NFYC: variants seen among roughly 807,000 people sequenced by gnomAD.
NFYC encodes the protein nuclear transcription factor Y subunit gamma.
In NFYC, 25 loss-of-function variants were observed where a neutral mutation model predicts 53.1. The observed-to-expected ratio is 0.47, with a 90% confidence interval of 0.34 to 0.66. NFYC has a LOEUF of 0.66. NFYC is among the 30% of genes least tolerant of loss of function. The pLI is 0.01. For synonymous variants in NFYC, 145 were observed against 152.6 expected (o/e 0.95, Z 0.37); for missense variants, 260 against 422.7 (o/e 0.62, Z 3.38).
chr1:40,734,815 A>G (rs1405926153), intron 1 of NFYC: 1 of 152,244 alleles, frequency 6.6e-6, no homozygotes, highest in Non-Finnish European at 1.5e-5. Flanking sequence ...TACTAATAAT[A>G]TCTGCAAAGA....
Position 40,753,007 on chromosome 1 carries a change from T to C in NFYC, c.292-144T>C, listed in dbSNP as rs1430686442. On this transcript the variant is annotated intron_variant, in intron 4 of 9. Transcript: ENST00000447388. ...GTCTGATCATTTAAAGTATATGAGT[T>C]TGGCTGTGCTTATTTCAGCTGTAGA... 6.6e-6 allele frequency: 4 copies of C among 609,182 alleles called. No individual in the cohort carries two copies. The African/African-American group carries it at 7.4e-5, about 11-fold the overall frequency. The allele number at this position is 609,182 out of a possible 1,614,324, so 37.7% of individuals were successfully genotyped here.
At chr1:40,750,430 C>T (rs150868588) in intron 4 of NFYC, among the ~76,000 whole-genome samples, 1 of 152,196 alleles carries the variant, frequency 6.6e-6, no homozygotes, top group African/African-American at 2.4e-5. Context: ...AAAATACTTA[C>T]TGAACACCCA....
At chr1:40,763,776 C>T (rs1377759368) in intron 7 of NFYC, among the ~76,000 whole-genome samples, 2 of 152,216 alleles carry the variant, frequency 1.3e-5, no homozygotes, top group African/African-American at 2.4e-5. Context: ...TTCAGGTTCA[C>T]CACGATTGGG....
chr1:40,727,438 G>A (rs1427904356), intron 1 of NFYC, among the ~76,000 whole-genome samples: 2 of 151,954 alleles, frequency 1.3e-5, no homozygotes, highest in Non-Finnish European at 2.9e-5. Context: ...GCCCAGGCTG[G>A]TTTTGAAGTC....
chr1:40,748,128 A>G (rs1645716391), intron 3 of NFYC, among the ~76,000 whole-genome samples: 1 of 150,790 alleles, frequency 6.6e-6, no homozygotes, highest in African/African-American at 2.4e-5. Context: ...GAGCCACCGC[A>G]TCTGGCCTTT....
chr1:40,739,356 T>C (rs1382712475), intron 2 of NFYC, among the ~76,000 whole-genome samples: 1 of 152,172 alleles, frequency 6.6e-6, no homozygotes, highest in Non-Finnish European at 1.5e-5. Flanking sequence ...AACAAATCTA[T>C]TGTGAGTCAG....
At chr1:40,704,344 T>TA (rs1445073340) in intron 1 of NFYC, among the ~76,000 whole-genome samples, 1 of 152,180 alleles carries the variant, frequency 6.6e-6, no homozygotes, top group Admixed American at 6.5e-5. Flanking sequence ...GTGCTGGTAT[T>TA]ACAGGCGTGA....
intron 5 of NFYC, 24 bp from the exon 6 acceptor site, chr1:40,758,097 C>G (rs1436274979): frequency 2.5e-6 from 4 of 1,611,310 alleles, no homozygotes; most frequent in Non-Finnish European, 3.4e-6. Flanking sequence ...TTTCCTCTTA[C>G]CTGCCTCTCT....
Position 40,753,210 on chromosome 1 carries a change from T to C in NFYC, c.351T>C (p.Ile117=), listed in dbSNP as rs762976011. The change falls in exon 5 of 10, where the codon ATT becomes ATC. Residue 117 remains isoleucine, a synonymous_variant. Transcript: ENST00000447388. ...KFDQFDFLID[I]VPRDELKPPK... ...ATCAGTTTGATTTTCTCATCGATAT[T>C]GTTCCAAGAGATGAACTGAAACCTC... 7 of 1,613,930 alleles carry C rather than the reference T, an allele frequency of 4.3e-6. No homozygotes were observed. The highest frequency in any genetic ancestry group is 1.1e-5 in the South Asian group (1 of 91,088).
At chr1:40,727,586 A>G (rs1354713923) in intron 1 of NFYC, among the ~76,000 whole-genome samples, 1 of 146,844 alleles carries the variant, frequency 6.8e-6, no homozygotes, top group Non-Finnish European at 1.5e-5. Flanking sequence ...GCTGGAGTGC[A>G]GTGGCACGAT....
intron 5 of NFYC, among the ~76,000 whole-genome samples, chr1:40,756,898 CAG>C (rs1168043054): frequency 2.0e-5 from 3 of 152,190 alleles, no homozygotes; most frequent in South Asian, 2.1e-4. Context: ...GTAGAACAGA[CAG>C]TTAATTTGAC....
intron 1 of NFYC, among the ~76,000 whole-genome samples, chr1:40,732,203 A>G (rs1417967994): frequency 6.6e-6 from 1 of 152,256 alleles, no homozygotes; most frequent in African/African-American, 2.4e-5. Context: ...TTAGGCTACT[A>G]TAAAAGAGTT....
intron 2 of NFYC, among the ~76,000 whole-genome samples, chr1:40,743,110 A>G (rs1487829409): frequency 6.6e-6 from 1 of 152,248 alleles, no homozygotes; most frequent in African/African-American, 2.4e-5. Flanking sequence ...TTGTTTCAAA[A>G]AGAAGTAATT....
rs1384066743 is a variant in NFYC, at chr1:40,737,828, T to G, written c.-8-1008T>G. 1.3e-5 allele frequency among the ~76,000 whole-genome samples: 2 copies of G among 151,812 alleles called. 1 individual carries two copies. Among genetic ancestry groups the G allele is most frequent in the Non-Finnish European group, 2.9e-5 (2 of 67,974 alleles). The stretch of plus-strand genomic sequence containing the variant: ...ATTTGTCTGAGATTAGAAGGAATAA[T>G]CATCATCAGGAGCCCCAGAGAAACA... On this transcript the variant is annotated intron_variant, in intron 1 of 9. Transcript: ENST00000447388.
chr1:40,714,118 A>C (rs1029492212), intron 1 of NFYC, among the ~76,000 whole-genome samples: 2 of 152,220 alleles, frequency 1.3e-5, no homozygotes, highest in African/African-American at 4.8e-5. Flanking sequence ...CAAGCCAGTT[A>C]GTGTTTTTTG....
rs150390076 is a variant in NFYC at position 40,741,333 on chromosome 1, G to C, written c.105+2385G>C. Among the ~76,000 whole-genome samples, 3 of 152,230 alleles carry C rather than the reference G, an allele frequency of 2.0e-5. No homozygotes were observed. In the East Asian group the frequency reaches 5.8e-4, roughly 29 times the overall value. ...AACACTTTACTATAAAATAGGGTTT[G>C]TGTTATATTATTTTGCCCAACTTTA... is the stretch of plus-strand genomic sequence containing the variant. On this transcript the variant is annotated intron_variant, in intron 2 of 9. Transcript: ENST00000447388.
intron 1 of NFYC, among the ~76,000 whole-genome samples, chr1:40,737,729 G>C (rs529073578): frequency 6.6e-6 from 1 of 152,058 alleles, no homozygotes; most frequent in Non-Finnish European, 1.5e-5. Flanking sequence ...AGAACTGGGC[G>C]AACTGGCAAG....
At chr1:40,706,896 G>A (rs963936666) in intron 1 of NFYC, among the ~76,000 whole-genome samples, 11 of 152,170 alleles carry the variant, frequency 7.2e-5, no homozygotes, top group African/African-American at 1.9e-4. Context: ...GGGGCCGGGC[G>A]TGGTGGCTCA....
Position 40,758,192 on chromosome 1 carries a change from C to T in NFYC, c.459C>T (p.Thr153=), listed in dbSNP as rs369100160. 5.1e-5 allele frequency: 83 copies of T among 1,612,912 alleles called. 1 individual carries two copies. The highest frequency in any genetic ancestry group is 2.0e-4 in the Middle Eastern group (1 of 5,014). Residue 153 remains threonine (T), a synonymous_variant, in exon 6 of 10, where the codon ACC becomes ACT. Transcript: ENST00000447388. The part of the protein sequence containing the change: ...QYYFTLAQQP[T]AVQVQGQQQG... ...ATTTCACGCTGGCTCAGCAACCCACCGCTGTCCAAGTCCAGGGCCAGCAGC... is the reference window on the plus strand; with the variant it reads ...ATTTCACGCTGGCTCAGCAACCCACTGCTGTCCAAGTCCAGGGCCAGCAGC...
Sources: gnomAD v4.1 joint callset for allele counts (sites outside exome capture counted in the v4.1 genomes callset) on GRCh38, gnomAD v4.1.1 for gene constraint, MANE v1.5 for transcripts, NCBI Gene and HGNC (gene_info 2026-07-23, HGNC 2026-07-21) for gene names.